LYRM1: variants seen among roughly 807,000 people sequenced by gnomAD.
LYRM1 encodes the protein LYR motif containing 1.
In LYRM1, 14 loss-of-function variants were observed where a neutral mutation model predicts 14.9. That is an observed-to-expected ratio of 0.94 (90% confidence interval 0.62 to 1.47). The LOEUF (loss-of-function observed/expected upper bound fraction) is 1.47, where lower values mean the gene tolerates loss of function less well. LYRM1 is among the 40% of genes most tolerant of loss of function. LYRM1 has a pLI of 0.00. For missense variants in LYRM1, 153 were observed against 149.9 expected (o/e 1.02, Z -0.11); for synonymous variants, 43 against 56.2 (o/e 0.77, Z 1.05).
At chr16:20,906,271 T>A (rs1358082059) in intron 1 of LYRM1, among the ~76,000 whole-genome samples, 1 of 152,044 alleles carries the variant, frequency 6.6e-6, no homozygotes, top group Non-Finnish European at 1.5e-5. Context: ...AGTCAAAAGG[T>A]GGAAGCAGCA....
chr16:20,906,769 G>A (rs1432137215), intron 1 of LYRM1, among the ~76,000 whole-genome samples: 1 of 152,150 alleles, frequency 6.6e-6, no homozygotes, highest in East Asian at 1.9e-4. Context: ...CAGAGGAACT[G>A]TTCCAGAGGT....
intron 1 of LYRM1, among the ~76,000 whole-genome samples, chr16:20,902,904 T>C (rs940885455): frequency 6.6e-6 from 1 of 152,162 alleles, no homozygotes; most frequent in African/African-American, 2.4e-5. Flanking sequence ...ATCCAACAGC[T>C]TCTCACAAAA....
intron 1 of LYRM1, among the ~76,000 whole-genome samples, chr16:20,902,942 C>G (rs1006601706): frequency 1.3e-5 from 2 of 152,116 alleles, no homozygotes; most frequent in Non-Finnish European, 2.9e-5. Flanking sequence ...CCACTGCTGC[C>G]AAGCCCACCA....
intron 2 of LYRM1, among the ~76,000 whole-genome samples, chr16:20,919,617 T>A (rs2083083911): frequency 6.6e-6 from 1 of 152,186 alleles, no homozygotes; most frequent in African/African-American, 2.4e-5. Context: ...GGTAGGAGAT[T>A]GGTGAAATTA....
intron 2 of LYRM1, among the ~76,000 whole-genome samples, chr16:20,919,354 CTCAG>C (rs1354215312): frequency 1.3e-5 from 2 of 152,100 alleles, no homozygotes; most frequent in Non-Finnish European, 2.9e-5. Flanking sequence ...AAGAAGCACT[CTCAG>C]TCAGTGTCGG....
At position 20,914,893 on chromosome 16, in the gene LYRM1, T is replaced by C. The variant is rs1289194644; in HGVS notation, c.1-663T>C. ...GATTAAATTCCATTTCTCCCTTAAC[T>C]AGAAAATTCAGTTATCAAAAATATG... On this transcript the variant is annotated intron_variant, in intron 1 of 3. Coordinates refer to ENST00000567954, the MANE Select transcript of LYRM1 (RefSeq NM_001128302.3). Among the ~76,000 whole-genome samples the C allele has an allele frequency of 5.9e-5, 9 of 152,206 alleles. No individual in the cohort carries two copies. In the East Asian group the frequency reaches 1.7e-3, roughly 29 times the overall value.
chr16:20,906,734 C>A (rs1170396106), intron 1 of LYRM1, among the ~76,000 whole-genome samples: 8 of 152,168 alleles, frequency 5.3e-5, no homozygotes, highest in Non-Finnish European at 1.0e-4. Context: ...CCTAAGTGTT[C>A]ATGCTGCAAT....
intron 2 of LYRM1, among the ~76,000 whole-genome samples, chr16:20,919,642 G>A (rs561071022): frequency 1.6e-4 from 25 of 152,186 alleles, no homozygotes; most frequent in Admixed American, 8.5e-4. Flanking sequence ...AAAGCCTTCT[G>A]TTGGAATTTT....
intron 2 of LYRM1, among the ~76,000 whole-genome samples, chr16:20,917,671 T>C (rs1463289014): frequency 6.6e-6 from 1 of 152,062 alleles, no homozygotes; most frequent in East Asian, 1.9e-4. Context: ...GGCACGAGAA[T>C]TTCTTGAACC....
At chr16:20,900,589 T>C (rs2152521032), upstream of LYRM1, 1 of 152,322 alleles carries the variant, frequency 6.6e-6, no homozygotes, top group East Asian at 1.9e-4. Flanking sequence ...CATTTTTTTT[T>C]CTTGTTTTAC....
At chr16:20,903,146 A>T (rs954385347) in intron 1 of LYRM1, among the ~76,000 whole-genome samples, 4 of 152,240 alleles carry the variant, frequency 2.6e-5, no homozygotes, top group Non-Finnish European at 5.9e-5. Flanking sequence ...CATATTGTTC[A>T]GCCCACACAG....
intron 1 of LYRM1, among the ~76,000 whole-genome samples, chr16:20,903,054 A>G (rs535443807): frequency 4.8e-4 from 73 of 152,332 alleles, no homozygotes; most frequent in Admixed American, 2.2e-3. Context: ...CAGAGTGGCC[A>G]TGGATAAAGC....
intron 1 of LYRM1, chr16:20,911,367 T>C (rs565496833): frequency 6.6e-6 from 1 of 152,314 alleles, no homozygotes; most frequent in African/African-American, 2.4e-5. Flanking sequence ...CAATCTGCAT[T>C]CTTTAGCTGC....
rs572770108 is a variant in LYRM1 at position 20,907,750 on chromosome 16, C to T, written c.-1+6861C>T. Among the ~76,000 whole-genome samples the T allele has an allele frequency of 2.7e-3, 414 of 152,164 alleles. 1 individual carries two copies. The highest frequency in any genetic ancestry group is 4.1e-3 in the Non-Finnish European group (278 of 68,004). On this transcript the variant is annotated intron_variant, in intron 1 of 3. Transcript: ENST00000567954. ...GCACCAGCTTCCCCTTACCTGGGTC[C>T]GTTATTAGGTTCCATCACACCATTC...
At position 20,920,206 on chromosome 16, in the gene LYRM1, C is replaced by A; in HGVS notation, c.244C>A (p.Pro82Thr). ...EIGLHYKIPY[P>T]RPIHLPPMGL... ...TGGACTGCATTACAAGATTCCTTAC[C>A]CAAGGCCAGTAAGTGTGACTCCGGT... The change falls in exon 3 of 4, where the codon CCA becomes ACA. Residue 82 changes from proline (P) to threonine (T), a missense_variant. By Grantham distance (38) the Pro-to-Thr change is conservative. Coordinates refer to ENST00000567954, the MANE Select transcript of LYRM1 (RefSeq NM_001128302.3). The A allele has an allele frequency of 6.2e-7, 1 of 1,612,150 alleles. No homozygotes were observed. The highest frequency in any genetic ancestry group is 8.5e-7 in the Non-Finnish European group (1 of 1,178,200).
chr16:20,900,946 G>C (rs1017637559), intron 1 of LYRM1, 57 bp downstream of exon 1: 2 of 152,824 alleles, frequency 1.3e-5, no homozygotes, highest in Non-Finnish European at 2.9e-5. Context: ...CGGGGAAGGG[G>C]TTGGCTCCCC....
chr16:20,913,998 C>T (rs991813941), intron 1 of LYRM1, among the ~76,000 whole-genome samples: 29 of 151,972 alleles, frequency 1.9e-4, no homozygotes, highest in South Asian at 8.3e-4. Context: ...TTAGTAGAGA[C>T]GGGGTTTCAC....
At position 20,908,570 on chromosome 16, in the gene LYRM1, A is replaced by G. The variant is rs78314068; in HGVS notation, c.1-6986A>G. On this transcript the variant is annotated intron_variant, in intron 1 of 3. Transcript: ENST00000567954. The stretch of plus-strand genomic sequence containing the variant: ...GGGGATAATGGTAGTATCTGCATAT[A>G]TAGAGTACCTAGCAAATTATCTGGC... Among the ~76,000 whole-genome samples the G allele has an allele frequency of 7.8e-3, 1,194 of 152,350 alleles. 14 individuals carry two copies. Among genetic ancestry groups the G allele is most frequent in the African/African-American group, 0.027 (1,123 of 41,588 alleles).
At chr16:20,922,803 A>G (rs1180531091) in intron 3 of LYRM1, among the ~76,000 whole-genome samples, 2 of 152,124 alleles carry the variant, frequency 1.3e-5, no homozygotes, top group African/African-American at 4.8e-5. Context: ...GAGATTTATT[A>G]TAAGGAATTG....
Sources: allele counts gnomAD v4.1 joint callset (sites outside exome capture counted in the v4.1 genomes callset), GRCh38; gene constraint gnomAD v4.1.1; transcripts MANE v1.5; gene names NCBI Gene and HGNC (gene_info 2026-07-23, HGNC 2026-07-21).